Variants in NLRC4 observed in about 807,000 individuals in gnomAD.
NLRC4 encodes the protein NLR family CARD domain containing 4.
Under a neutral mutation model 79.9 loss-of-function variants are expected in NLRC4, and 63 were observed. The observed-to-expected ratio is 0.79, with a 90% CI of 0.64 to 0.97. The LOEUF (loss-of-function observed/expected upper bound fraction) is 0.97, where lower values mean the gene tolerates loss of function less well. Ranked by LOEUF, NLRC4 falls within the 50% of genes least tolerant of loss-of-function variation. NLRC4 has a pLI of 0.00. For synonymous variants in NLRC4, 461 were observed against 456.5 expected, an observed-to-expected ratio of 1.01 and a Z score of -0.12; for missense variants, 1,074 against 1,215.2, an observed-to-expected ratio of 0.88 and a Z score of 1.73.
At chr2:32,242,272 A>T (rs1344221166) in intron 4 of NLRC4, among the ~76,000 whole-genome samples, 6 of 152,222 alleles carry the variant, frequency 3.9e-5, no homozygotes, top group Admixed American at 3.9e-4. Context: ...ATTTCTACCA[A>T]GACTGACAAA....
At chr2:32,230,754 G>A (rs1390815990) in intron 8 of NLRC4, among the ~76,000 whole-genome samples, 1 of 152,096 alleles carries the variant, frequency 6.6e-6, no homozygotes, top group Non-Finnish European at 1.5e-5. Flanking sequence ...TTTTTATGTG[G>A]ATATTGGTTT....
intron 5 of NLRC4, among the ~76,000 whole-genome samples, chr2:32,239,101 C>A (rs916593931): frequency 6.6e-6 from 1 of 151,982 alleles, no homozygotes; most frequent in Non-Finnish European, 1.5e-5. Flanking sequence ...TCCAACATGG[C>A]GGAACCCCAT....
intron 8 of NLRC4, among the ~76,000 whole-genome samples, chr2:32,233,211 GAAGAAGGA>G (rs1686588536): frequency 9.5e-6 from 1 of 104,826 alleles, no homozygotes; most frequent in Non-Finnish European, 1.9e-5. Context: ...GGAGGGAAAG[GAAGAAGGA>G]AGGGAGGGAG....
rs747147167 is a variant in NLRC4, at chr2:32,251,002, G to T, written c.862C>A (p.Arg288=). The T allele has an allele frequency of 6.2e-7, 1 of 1,614,180 alleles. No individual in the cohort carries two copies. The highest frequency in any genetic ancestry group is 8.5e-7 in the Non-Finnish European group (1 of 1,180,030). The change falls in exon 4 of 9, where the codon CGG becomes AGG. Residue 288 remains arginine, a synonymous_variant. Transcript: ENST00000402280. ...TTTTECLRHI[R]QFGALTAEVG... is the part of the protein sequence containing the mutation. ...TCAGCAGTCAGGGCACCAAACTGCC[G>T]TATGTGCCTCAGGCACTCAGTGGTA...
intron 1 of NLRC4, among the ~76,000 whole-genome samples, chr2:32,257,336 G>T (rs575962121): frequency 6.6e-6 from 1 of 152,180 alleles, no homozygotes; most frequent in Non-Finnish European, 1.5e-5. Flanking sequence ...GGCTGGGCGC[G>T]GTGGCTCACG....
intron 2 of NLRC4, among the ~76,000 whole-genome samples, chr2:32,255,334 A>C (rs978709955): frequency 6.6e-6 from 1 of 152,012 alleles, no homozygotes; most frequent in Non-Finnish European, 1.5e-5. Context: ...TAGCCTGACC[A>C]ACATGGAGAA....
chr2:32,245,156 CA>C (rs1310151886), intron 4 of NLRC4, among the ~76,000 whole-genome samples: 1 of 151,420 alleles, frequency 6.6e-6, no homozygotes. Flanking sequence ...TTAAAAAATA[CA>C]AAAATTAGCC....
intron 5 of NLRC4, among the ~76,000 whole-genome samples, chr2:32,240,389 G>GA (rs1209952452): frequency 1.0e-5 from 1 of 100,412 alleles, no homozygotes; most frequent in Non-Finnish European, 2.0e-5. Flanking sequence ...CTCAAGTAGG[G>GA]AAAAAAAGAG....
intron 4 of NLRC4, among the ~76,000 whole-genome samples, chr2:32,243,581 C>T (rs1490010083): frequency 6.6e-6 from 1 of 151,686 alleles, no homozygotes; most frequent in East Asian, 1.9e-4. Flanking sequence ...GCAGGTGGAT[C>T]ACAAGGTCAG....
intron 3 of NLRC4, among the ~76,000 whole-genome samples, chr2:32,252,174 C>A (rs1687093588): frequency 6.6e-6 from 1 of 152,172 alleles, no homozygotes; most frequent in Admixed American, 6.5e-5. Context: ...CCAGTTTTAT[C>A]TTGCAGTGAG....
chr2:32,237,856 T>A (rs1686707585), intron 6 of NLRC4, among the ~76,000 whole-genome samples: 1 of 152,204 alleles, frequency 6.6e-6, no homozygotes, highest in Admixed American at 6.5e-5. Flanking sequence ...GTGTGGCAAG[T>A]TTCAAGCACC....
rs759655593 is a variant in NLRC4 at position 32,249,750 on chromosome 2, C to T, written c.2114G>A (p.Ser705Asn). The change falls in exon 4 of 9, where the codon AGT (serine) becomes AAT (asparagine). Residue 705 changes from serine to asparagine, a missense_variant. Coordinates refer to ENST00000402280, the MANE Select transcript of NLRC4 (RefSeq NM_001199138.2). ...GTTCTTACAGGTGCTGAGGACCAAA[C>T]TGAGGCTTCCAGCCACACCAGCACA... ...KRCAGVAGSL[S>N]LVLSTCKNIY... The T allele has an allele frequency of 5.0e-6, 8 of 1,614,234 alleles. No individual in the cohort carries two copies. Among genetic ancestry groups the T allele is most frequent in the Non-Finnish European group, 6.8e-6 (8 of 1,180,042 alleles).
intron 6 of NLRC4, 24 bp from the exon 7 acceptor site, chr2:32,236,363 A>G (rs1214785571): frequency 5.6e-6 from 8 of 1,421,312 alleles, no homozygotes; most frequent in African/African-American, 1.4e-5. Context: ...GTAATCCAAA[A>G]TAAAAAGATT....
Position 32,249,692 on chromosome 2 carries a change from G to T in NLRC4, c.2172C>A (p.Leu724=). The change falls in exon 4 of 9, where the codon CTC becomes CTA. Residue 724 remains leucine (L), a synonymous_variant. Transcript: ENST00000402280. ...TGATGTGCCTCTCATCTTCTATGGT[G>T]AGGGGACTGGCTTCCACCATGAGAG... ...IYSLMVEASP[L]TIEDERHITS... 2 of 1,614,092 alleles carry T rather than the reference G, an allele frequency of 1.2e-6. No homozygotes were observed. The highest frequency in any genetic ancestry group is 1.7e-6 in the Non-Finnish European group (2 of 1,179,960).
At chr2:32,236,421 A>G in intron 6 of NLRC4, 82 bp from the exon 7 acceptor site, 1 of 718,538 alleles carries the variant, frequency 1.4e-6, no homozygotes, top group Non-Finnish European at 2.0e-6. Flanking sequence ...AATAATTCTG[A>G]GTTTTATCTT....
At chr2:32,257,334 G>C (rs1222664410) in intron 1 of NLRC4, among the ~76,000 whole-genome samples, 2 of 152,208 alleles carry the variant, frequency 1.3e-5, no homozygotes, top group African/African-American at 4.8e-5. Context: ...AGGGCTGGGC[G>C]CGGTGGCTCA....
At chr2:32,252,879 G>A (rs1013678056) in intron 2 of NLRC4, among the ~76,000 whole-genome samples, 200 bp from the exon 3 acceptor site, 6 of 151,902 alleles carry the variant, frequency 3.9e-5, no homozygotes, top group Non-Finnish European at 1.5e-5. Context: ...TTAGCCGGGC[G>A]TGGTGGCGGG....
intron 8 of NLRC4, among the ~76,000 whole-genome samples, chr2:32,229,904 A>T (rs971739229): frequency 6.6e-6 from 1 of 152,222 alleles, no homozygotes; most frequent in Non-Finnish European, 1.5e-5. Context: ...TGGAGATGTC[A>T]TAAGGGTACA....
At chr2:32,248,120 C>T (rs1485305899) in intron 4 of NLRC4, among the ~76,000 whole-genome samples, 1 of 152,110 alleles carries the variant, frequency 6.6e-6, no homozygotes, top group Non-Finnish European at 1.5e-5. Flanking sequence ...CAAAACTGCA[C>T]TTGTACCCCC....
Sources: allele counts gnomAD v4.1 joint callset (sites outside exome capture counted in the v4.1 genomes callset), GRCh38; gene constraint gnomAD v4.1.1; transcripts MANE v1.5; gene names NCBI Gene and HGNC (gene_info 2026-07-23, HGNC 2026-07-21).